The following WWC1 variants were observed in gnomAD, a reference collection of about 807,000 sequenced individuals.
WWC1 encodes protein KIBRA.
Under a neutral mutation model 138.4 loss-of-function variants are expected in WWC1, and 55 were observed. The observed-to-expected ratio is 0.40, with a 90% CI of 0.32 to 0.50. WWC1 has a LOEUF of 0.50. Ranked by LOEUF, WWC1 falls within the 20% of genes least tolerant of loss-of-function variation. WWC1 has a pLI of 0.72. For missense variants in WWC1, 1,226 were observed against 1,420.4 expected, an observed-to-expected ratio of 0.86 and a Z score of 2.20; for synonymous variants, 524 against 564.9, an observed-to-expected ratio of 0.93 and a Z score of 1.03.
chr5:168,355,217 G>A (rs553039454), intron 1 of WWC1, among the ~76,000 whole-genome samples: 54 of 152,262 alleles, frequency 3.5e-4, no homozygotes, highest in African/African-American at 1.1e-3. Context: ...TTTCAGGCTG[G>A]GCGTGGTGGC....
rs756135846 is a variant in WWC1, at chr5:168,448,616, A to ATTTTTTTT, written c.2525+4044_2525+4051dup. On this transcript the variant is annotated intron_variant, in intron 17 of 22. Coordinates refer to ENST00000265293, the MANE Select transcript of WWC1 (RefSeq NM_015238.3). ...CATCATAGAATAGTTCTCAAATAAG[A>ATTTTTTTT]TTTTTTTTTTTTTTTTTTTTGAGAC... 1.0e-3 allele frequency among the ~76,000 whole-genome samples: 122 copies of ATTTTTTTT among 117,592 alleles called. 7 individuals are homozygous for ATTTTTTTT. Among genetic ancestry groups the ATTTTTTTT allele is most frequent in the African/African-American group, 4.1e-3 (117 of 28,628 alleles). 77.1% of individuals were successfully genotyped at this position (117,592 alleles called of 152,430 possible).
At chr5:168,312,509 A>G (rs1046222149) in intron 1 of WWC1, among the ~76,000 whole-genome samples, 5 of 152,248 alleles carry the variant, frequency 3.3e-5, no homozygotes, top group African/African-American at 4.8e-5. Context: ...TTAAGCATGG[A>G]TTATCTTATT....
rs943491383 is a variant in WWC1, at chr5:168,470,880, T to G, written c.*1863T>G. 3 of 152,146 alleles carry G rather than the reference T, an allele frequency of 2.0e-5. No individual in the cohort carries two copies. The highest frequency in any genetic ancestry group is 4.4e-5 in the Non-Finnish European group (3 of 68,064). 9.4% of individuals were successfully genotyped at this position (152,146 alleles called of 1,614,324 possible). On this transcript the variant is annotated 3_prime_UTR_variant, in exon 23 of 23. Transcript: ENST00000265293. ...ACTGTCAGGTCCTCTCTAGACCCAC[T>G]GAACTATCCCGCCCACCCTGGGACG...
chr5:168,348,126 AT>A (rs1415857148), intron 1 of WWC1, among the ~76,000 whole-genome samples: 2 of 152,132 alleles, frequency 1.3e-5, no homozygotes, highest in Non-Finnish European at 2.9e-5. Flanking sequence ...TGGCAGCCCC[AT>A]TTGACAGGTT....
rs774108195 is a variant in WWC1, at chr5:168,444,578, G to A, written c.2518G>A (p.Asp840Asn). 1 of 1,613,138 alleles carries A rather than the reference G, an allele frequency of 6.2e-7. No individual in the cohort carries two copies. Among genetic ancestry groups the A allele is most frequent in the Non-Finnish European group, 8.5e-7 (1 of 1,179,796 alleles). The change falls in exon 17 of 23, where the codon GAC (aspartate) becomes AAC (asparagine). Residue 840 changes from aspartate to asparagine, a missense_variant. By Grantham distance (23) the Asp-to-Asn change is conservative (BLOSUM62 1). This residue lies in a region of WWC1 where 1,016 missense variants were observed against 1,153.9 expected (regional missense o/e 0.88). Transcript: ENST00000265293. ...CAGGAGCAGCACACAGACACTGGAA[G>A]ACAGCTGGTGAGTGAGCCCGCCCTT... ...EGRSSTQTLEDSWRYEETSEN... is the reference protein window; with the variant it reads ...EGRSSTQTLENSWRYEETSEN...
chr5:168,366,309 G>C (rs1755334875), intron 1 of WWC1, among the ~76,000 whole-genome samples: 3 of 152,186 alleles, frequency 2.0e-5, no homozygotes, highest in Admixed American at 6.5e-5. Flanking sequence ...GTTCCGGAGA[G>C]AATCTTGCTG....
chr5:168,403,077 T>TCTTTCTTC (rs1561712560), intron 5 of WWC1, among the ~76,000 whole-genome samples: 78 of 135,776 alleles, frequency 5.7e-4, no homozygotes, highest in Non-Finnish European at 1.1e-3. Context: ...TTTCTTTCTT[T>TCTTTCTTC]CTTTTCTTTC....
intron 10 of WWC1, among the ~76,000 whole-genome samples, chr5:168,422,473 T>C (rs139996388): frequency 0.011 from 1,674 of 152,080 alleles, 29 homozygotes; most frequent in East Asian, 0.046. Context: ...CAAAATTAGC[T>C]GGGTGTGGTG....
intron 1 of WWC1, among the ~76,000 whole-genome samples, chr5:168,318,589 C>T (rs1185169703): frequency 7.9e-5 from 10 of 125,830 alleles, no homozygotes; most frequent in Admixed American, 1.7e-4. Context: ...GATGGAGTTT[C>T]GCTCTTGTTG....
rs1769132694 is a variant in WWC1 at position 168,292,405 on chromosome 5, C to T, written c.119+134C>T. On this transcript the variant is annotated intron_variant, in intron 1 of 22. Coordinates refer to ENST00000265293, the MANE Select transcript of WWC1 (RefSeq NM_015238.3). The surrounding 1 kb of genome is among the most constrained non-coding windows in gnomAD (Gnocchi z 4.4). ...TCTTGAGCTCTCTTCAGTTCGCCAC[C>T]CCCTGCTCCCCCCAACCTTCTGGAG... 9.9e-7 allele frequency: 1 copy of T among 1,009,852 alleles called. No homozygotes were observed. The highest frequency in any genetic ancestry group is 1.4e-6 in the Non-Finnish European group (1 of 707,278). 62.6% of individuals were successfully genotyped at this position (1,009,852 alleles called of 1,614,324 possible).
intron 13 of WWC1, 131 bp downstream of exon 13, chr5:168,428,918 A>G (rs1582266645): frequency 2.4e-6 from 2 of 827,060 alleles, no homozygotes; most frequent in South Asian, 1.7e-5. Flanking sequence ...CCTGCTGGCC[A>G]TTGCAGCTTC....
chr5:168,431,583 T>C (rs1229073460), intron 15 of WWC1, 139 bp downstream of exon 15: 3 of 938,224 alleles, frequency 3.2e-6, no homozygotes, highest in Non-Finnish European at 4.5e-6. Flanking sequence ...GGTTGTGCTA[T>C]CAATCAGGCT....
intron 1 of WWC1, among the ~76,000 whole-genome samples, chr5:168,367,471 A>T (rs1335790045): frequency 6.7e-6 from 1 of 150,114 alleles, no homozygotes; most frequent in Non-Finnish European, 1.5e-5. Context: ...AGCTGGGACT[A>T]CAGGCGCCCG....
chr5:168,298,471 A>G (rs1395161504), intron 1 of WWC1, among the ~76,000 whole-genome samples: 1 of 152,198 alleles, frequency 6.6e-6, no homozygotes, highest in Non-Finnish European at 1.5e-5. Context: ...CTTACATACA[A>G]GTGATTAGAG....
At chr5:168,377,276 A>G (rs1265957167) in intron 2 of WWC1, among the ~76,000 whole-genome samples, 2 of 152,228 alleles carry the variant, frequency 1.3e-5, no homozygotes, top group Non-Finnish European at 2.9e-5. Context: ...TACAAAAGTT[A>G]ACTCAAAATG....
intron 1 of WWC1, among the ~76,000 whole-genome samples, chr5:168,349,654 G>A (rs1423597152): frequency 6.6e-6 from 1 of 152,150 alleles, no homozygotes; most frequent in Admixed American, 6.5e-5. Context: ...CACACAGTAG[G>A]TCCTCAGGAG....
chr5:168,455,625 G>A, intron 19 of WWC1, 105 bp downstream of exon 19: 1 of 1,429,970 alleles, frequency 7.0e-7, no homozygotes. Context: ...GTGACTTCGG[G>A]TATGTTAACA....
intron 2 of WWC1, among the ~76,000 whole-genome samples, chr5:168,382,873 A>G (rs2152817016): frequency 6.6e-6 from 1 of 152,186 alleles, no homozygotes. Context: ...CTATTCACAG[A>G]CGATTCAAAA....
chr5:168,410,364 G>A (rs1363353905), intron 8 of WWC1, among the ~76,000 whole-genome samples: 1 of 152,196 alleles, frequency 6.6e-6, no homozygotes, highest in East Asian at 1.9e-4. Context: ...AAAAGATTAT[G>A]GACACTACCC....
Sources: gnomAD v4.1 joint callset for allele counts (sites outside exome capture counted in the v4.1 genomes callset) on GRCh38, gnomAD v4.1.1 for gene constraint, gnomAD v4.1.1 regional missense constraint, Gnocchi (gnomAD v3.1) non-coding constraint, MANE v1.5 for transcripts, NCBI Gene and HGNC (gene_info 2026-07-23, HGNC 2026-07-21) for gene names.